SWT1: variants seen among roughly 807,000 people sequenced by gnomAD.
The protein encoded by SWT1 is transcriptional protein SWT1.
Under a neutral mutation model 107.3 loss-of-function variants are expected in SWT1, and 33 were observed. The observed-to-expected ratio is 0.31, with a 90% confidence interval of 0.23 to 0.41. The LOEUF (loss-of-function observed/expected upper bound fraction) is 0.41, where lower values mean the gene tolerates loss of function less well. SWT1 is among the 10% of genes least tolerant of loss of function. SWT1 has a pLI of 1.00. For missense variants in SWT1, 898 were observed against 1,028.9 expected (o/e 0.87, Z 1.74); for synonymous variants, 345 against 348.3 (o/e 0.99, Z 0.11).
intron 3 of SWT1, among the ~76,000 whole-genome samples, chr1:185,167,134 C>T (rs1169705631): frequency 6.6e-6 from 1 of 152,136 alleles, no homozygotes; most frequent in Non-Finnish European, 1.5e-5. Context: ...TCTCAAACTC[C>T]TGACCTCAAG....
intron 5 of SWT1, chr1:185,176,925 A>G (rs550285092): frequency 1.1e-4 from 69 of 607,368 alleles, no homozygotes; most frequent in Non-Finnish European, 1.4e-4. Flanking sequence ...CGGCCCTTGC[A>G]GTGAGCCAAG....
rs1284622208 is a variant in SWT1 at position 185,174,913 on chromosome 1, G to A, written c.766G>A (p.Asp256Asn). 6.2e-7 allele frequency: 1 copy of A among 1,613,966 alleles called. No homozygotes were observed. The highest frequency in any genetic ancestry group is 8.5e-7 in the Non-Finnish European group (1 of 1,179,982). The change falls in exon 5 of 19, where the codon GAT becomes AAT. Residue 256 changes from aspartate to asparagine, a missense_variant. Physicochemically the swap from Asp to Asn is conservative, Grantham distance 23 (BLOSUM62 1). Transcript: ENST00000367500. The part of the protein sequence containing the change: ...KLVEENVFNI[D>N]SNNSKTKQEE... ...TGTAGAAGAAAATGTCTTCAACATA[G>A]ATTCTAATAATTCGAAGACTAAGCA...
Position 185,180,376 on chromosome 1 carries a change from T to C in SWT1, c.967-15T>C. 1 of 1,599,396 alleles carries C rather than the reference T, an allele frequency of 6.3e-7. No individual in the cohort carries two copies. The highest frequency in any genetic ancestry group is 8.6e-7 in the Non-Finnish European group (1 of 1,166,686). ...TATGCTTTATTCTTAGCTAATGAAA[T>C]TACTTTCATTTCAGAGTTTTGAAGC... On this transcript the variant is annotated splice_polypyrimidine_tract_variant and intron_variant, in intron 5 of 18. Transcript: ENST00000367500.
At chr1:185,277,288 T>A (rs1239840427) in intron 18 of SWT1, among the ~76,000 whole-genome samples, 1 of 152,128 alleles carries the variant, frequency 6.6e-6, no homozygotes, top group African/African-American at 2.4e-5. Context: ...TTGTTTTTTT[T>A]TATTTTTTCT....
At chr1:185,194,675 T>C (rs1657237934) in intron 10 of SWT1, among the ~76,000 whole-genome samples, 1 of 152,214 alleles carries the variant, frequency 6.6e-6, no homozygotes, top group African/African-American at 2.4e-5. Flanking sequence ...TCAAATCTAT[T>C]GACAAGCCTG....
chr1:185,276,723 A>G, intron 18 of SWT1, 55 bp downstream of exon 18: 2 of 952,210 alleles, frequency 2.1e-6, no homozygotes, highest in Non-Finnish European at 3.2e-6. Flanking sequence ...TTCCATATAC[A>G]GCAGCACTTG....
chr1:185,167,872 T>G (rs74498838), intron 3 of SWT1, among the ~76,000 whole-genome samples: 2,184 of 152,308 alleles, frequency 0.014, 22 homozygotes, highest in Non-Finnish European at 0.023. Flanking sequence ...GTGGTTGGTA[T>G]TTTGAACTGT....
intron 16 of SWT1, among the ~76,000 whole-genome samples, chr1:185,233,473 T>C (rs1434966886): frequency 2.0e-5 from 3 of 152,218 alleles, no homozygotes. Context: ...CTGCTTTAAA[T>C]GTGTCCCAGA....
At chr1:185,180,324 G>C in intron 5 of SWT1, 67 bp from the exon 6 acceptor site, 1 of 1,287,354 alleles carries the variant, frequency 7.8e-7, no homozygotes, top group Non-Finnish European at 1.1e-6. Context: ...GGTTAATAGT[G>C]ACAAGGTTGA....
chr1:185,288,586 G>C (rs1446521557), intron 18 of SWT1, among the ~76,000 whole-genome samples: 1 of 152,048 alleles, frequency 6.6e-6, no homozygotes. Flanking sequence ...GTAGCTAGTG[G>C]TTCTCTCCAA....
At chr1:185,251,756 T>C (rs1202820217) in intron 16 of SWT1, among the ~76,000 whole-genome samples, 2 of 151,456 alleles carry the variant, frequency 1.3e-5, no homozygotes. Context: ...ATCAGACAAT[T>C]TGTTTTTTGC....
At chr1:185,273,459 T>C (rs918374839) in intron 17 of SWT1, among the ~76,000 whole-genome samples, 1 of 150,782 alleles carries the variant, frequency 6.6e-6, no homozygotes, top group Non-Finnish European at 1.5e-5. Flanking sequence ...TCCCAGCACT[T>C]TGGGAGGCTG....
At chr1:185,259,436 AT>A in intron 16 of SWT1, among the ~76,000 whole-genome samples, 1 of 152,236 alleles carries the variant, frequency 6.6e-6, no homozygotes, top group East Asian at 1.9e-4. Context: ...TAGTCCCCAG[AT>A]TTGCAAGTTT....
chr1:185,163,148 A>G (rs1437183209), intron 2 of SWT1, among the ~76,000 whole-genome samples: 1 of 152,112 alleles, frequency 6.6e-6, no homozygotes, highest in Non-Finnish European at 1.5e-5. Flanking sequence ...GACAGCAATG[A>G]AGTTTGCCAC....
At position 185,243,465 on chromosome 1, in the gene SWT1, T is replaced by C. The variant is rs1018495933; in HGVS notation, c.2441+11757T>C. The stretch of plus-strand genomic sequence containing the variant: ...TATTCTTGTGCCTCTAAATAACTTT[T>C]AGCACCTCAGTAGGCCAACCAGCTG... On this transcript the variant is annotated intron_variant, in intron 16 of 18. Transcript: ENST00000367500. 7.9e-5 allele frequency among the ~76,000 whole-genome samples: 12 copies of C among 152,268 alleles called. 1 individual carries two copies. Among genetic ancestry groups the C allele is most frequent in the Admixed American group, 5.9e-4 (9 of 15,284 alleles).
intron 16 of SWT1, among the ~76,000 whole-genome samples, chr1:185,270,067 A>T (rs1663741850): frequency 6.6e-6 from 1 of 152,172 alleles, no homozygotes. Flanking sequence ...GCTGTATTTC[A>T]TATGCTGTTG....
chr1:185,206,642 A>G lies in SWT1; in HGVS notation c.1851A>G (p.Pro617=). The change falls in exon 13 of 19, where the codon CCA becomes CCG. Residue 617 remains proline, a synonymous_variant. Transcript: ENST00000367500. ...NLWMEILYLK[P]PWTLLHLLQC... ...CTCTTTAGATCCTGTACCTGAAACC[A>G]CCATGGACTCTACTACATTTACTAC... 1.3e-6 allele frequency: 2 copies of G among 1,582,442 alleles called. No homozygotes were observed. Among genetic ancestry groups the G allele is most frequent in the East Asian group, 2.3e-5 (1 of 43,980 alleles).
chr1:185,234,769 A>G (rs551288501), intron 16 of SWT1, among the ~76,000 whole-genome samples: 1 of 152,134 alleles, frequency 6.6e-6, no homozygotes, highest in Non-Finnish European at 1.5e-5. Context: ...GTTCCTTTCC[A>G]TGTTTAGTGC....
At chr1:185,254,824 T>G (rs1662350840) in intron 16 of SWT1, among the ~76,000 whole-genome samples, 2 of 151,488 alleles carry the variant, frequency 1.3e-5, no homozygotes, top group East Asian at 3.9e-4. Flanking sequence ...TCTGCTAGCT[T>G]TTGAATGTGT....
Sources: allele counts gnomAD v4.1 joint callset (sites outside exome capture counted in the v4.1 genomes callset), GRCh38; gene constraint gnomAD v4.1.1; transcripts MANE v1.5; gene names NCBI Gene and HGNC (gene_info 2026-07-23, HGNC 2026-07-21).